The following SIDT1 variants were observed in gnomAD, a reference collection of about 807,000 sequenced individuals.
SIDT1 encodes SID1 transmembrane family, member 1.
A neutral mutation model predicts 107.5 loss-of-function variants in SIDT1; 101 were observed. The observed-to-expected ratio is 0.94, with a 90% CI of 0.80 to 1.11. The LOEUF is 1.11. Ranked by LOEUF, SIDT1 falls within the 50% of genes least tolerant of loss-of-function variation. The probability of loss-of-function intolerance (pLI) is 0.00; values close to 1 mark genes in which losing one functional copy is unlikely to be tolerated. For missense variants in SIDT1, 1,076 were observed against 1,058.2 expected (o/e 1.02, Z -0.23); for synonymous variants, 395 against 398.2 (o/e 0.99, Z 0.10).
intron 7 of SIDT1, 44 bp from the exon 8 acceptor site, chr3:113,584,654 C>T (rs1475274517): frequency 5.1e-6 from 7 of 1,372,302 alleles, no homozygotes; most frequent in Non-Finnish European, 7.1e-6. Flanking sequence ...AAATCATTAT[C>T]TGATTCAATG....
At chr3:113,559,806 G>T (rs541342287) in intron 1 of SIDT1, among the ~76,000 whole-genome samples, 2 of 151,990 alleles carry the variant, frequency 1.3e-5, no homozygotes, top group East Asian at 1.9e-4. Flanking sequence ...TTTCTTATGC[G>T]TTTTAAGGGT....
Position 113,601,653 on chromosome 3 carries a change from A to G in SIDT1, c.1111A>G (p.Thr371Ala). 1 of 1,611,516 alleles carries G rather than the reference A, an allele frequency of 6.2e-7. No individual in the cohort carries two copies. The highest frequency in any genetic ancestry group is 8.5e-7 in the Non-Finnish European group (1 of 1,177,614). Residue 371 changes from threonine to alanine, a missense_variant, in exon 11 of 25, where the codon ACA (threonine) becomes GCA (alanine). Coordinates refer to ENST00000264852, the MANE Select transcript of SIDT1 (RefSeq NM_017699.3). ...CACACCCGAAGGGAGCAATTATGGGACAATAGGTATGTCCTACCAGGTCTG... is the reference window on the plus strand; with the variant it reads ...CACACCCGAAGGGAGCAATTATGGGGCAATAGGTATGTCCTACCAGGTCTG... ...ASTPEGSNYG[T>A]IDESSSSPGR...
chr3:113,605,617 G>C (rs933609199), intron 14 of SIDT1, among the ~76,000 whole-genome samples: 1 of 152,166 alleles, frequency 6.6e-6, no homozygotes, highest in Non-Finnish European at 1.5e-5. Context: ...ACAATGAGTA[G>C]AGTAAATAAA....
At chr3:113,608,365 T>A in intron 16 of SIDT1, 54 bp from the exon 17 acceptor site, 1 of 1,523,402 alleles carries the variant, frequency 6.6e-7, no homozygotes, top group Non-Finnish European at 9.1e-7. Context: ...GATTAGTGAC[T>A]TGGTGGATAT....
intron 7 of SIDT1, among the ~76,000 whole-genome samples, chr3:113,584,140 G>A (rs1943567658): frequency 6.6e-6 from 1 of 152,204 alleles, no homozygotes; most frequent in African/African-American, 2.4e-5. Flanking sequence ...CCAACACAAA[G>A]TGTGTTTACT....
intron 19 of SIDT1, among the ~76,000 whole-genome samples, chr3:113,615,562 T>C (rs1946045350): frequency 6.6e-6 from 1 of 152,222 alleles, no homozygotes; most frequent in South Asian, 2.1e-4. Flanking sequence ...TTAACTTACC[T>C]TCACTTGATG....
intron 9 of SIDT1, among the ~76,000 whole-genome samples, chr3:113,591,103 T>A (rs551154069): frequency 5.3e-5 from 8 of 152,344 alleles, no homozygotes; most frequent in African/African-American, 1.7e-4. Context: ...GTTGGAATGA[T>A]ATACTTTGCA....
intron 10 of SIDT1, among the ~76,000 whole-genome samples, chr3:113,599,283 T>G (rs992594882): frequency 6.6e-6 from 1 of 152,184 alleles, no homozygotes; most frequent in Non-Finnish European, 1.5e-5. Flanking sequence ...AGAAAGAAGA[T>G]GCAGGATGAC....
At chr3:113,579,046 C>T (rs918061375) in intron 4 of SIDT1, among the ~76,000 whole-genome samples, 206 of 152,254 alleles carry the variant, frequency 1.4e-3, no homozygotes, top group Non-Finnish European at 3.8e-4. Flanking sequence ...TATAAACTCA[C>T]CCAAACGGTT....
intron 3 of SIDT1, among the ~76,000 whole-genome samples, chr3:113,572,996 C>CCTT (rs779118899): frequency 2.7e-5 from 4 of 145,574 alleles, no homozygotes; most frequent in Non-Finnish European, 3.0e-5. Context: ...ATTTACATTC[C>CCTT]TTTTTTTTTT....
chr3:113,580,253 CAT>C (rs1360539566), intron 4 of SIDT1, among the ~76,000 whole-genome samples: 5 of 152,204 alleles, frequency 3.3e-5, no homozygotes, highest in African/African-American at 9.6e-5. Flanking sequence ...AATCTTATCA[CAT>C]GTTATATCTC....
intron 16 of SIDT1, 26 bp from the exon 17 acceptor site, chr3:113,608,393 A>G (rs1945494035): frequency 6.3e-7 from 1 of 1,576,020 alleles, no homozygotes; most frequent in Non-Finnish European, 8.7e-7. Flanking sequence ...TTTAGTATCT[A>G]TTGACCACCC....
At chr3:113,582,723 C>T (rs980731353) in intron 6 of SIDT1, among the ~76,000 whole-genome samples, 5 of 151,952 alleles carry the variant, frequency 3.3e-5, no homozygotes, top group African/African-American at 4.8e-5. Context: ...GCGACATGAG[C>T]GAAACTCCTT....
At chr3:113,582,881 C>T (rs113416337) in intron 6 of SIDT1, among the ~76,000 whole-genome samples, 3,794 of 152,084 alleles carry the variant, frequency 0.025, 70 homozygotes, top group Admixed American at 0.037. Context: ...AGAACTCTAA[C>T]GGACCTTAAA....
intron 23 of SIDT1, among the ~76,000 whole-genome samples, chr3:113,624,765 C>T (rs967714634): frequency 5.9e-5 from 9 of 152,106 alleles, no homozygotes; most frequent in African/African-American, 2.2e-4. Flanking sequence ...TTCTAGCTGC[C>T]TCATATGAGT....
chr3:113,589,529 C>CTTTTTTT (rs386397654), intron 9 of SIDT1, among the ~76,000 whole-genome samples: 9 of 116,046 alleles, frequency 7.8e-5, no homozygotes, highest in Non-Finnish European at 1.2e-4. Context: ...ACTTCTCTCC[C>CTTTTTTT]TTTTTTTTTT....
At chr3:113,544,435 C>A (rs569328964) in intron 1 of SIDT1, among the ~76,000 whole-genome samples, 192 of 152,226 alleles carry the variant, frequency 1.3e-3, no homozygotes, top group Non-Finnish European at 2.5e-3. Context: ...TGTGATCCAC[C>A]CAGCTCGGCC....
rs1943519430 is a variant in SIDT1, at chr3:113,583,500, A to G, written c.835+4A>G. The G allele has an allele frequency of 1.3e-6, 2 of 1,567,256 alleles. No homozygotes were observed. The highest frequency in any genetic ancestry group is 2.3e-5 in the East Asian group (1 of 44,302). On this transcript the variant is annotated splice_donor_region_variant and intron_variant, in intron 7 of 24. Transcript: ENST00000264852. ...GGAGGATCTTTCTTCATCCAGGGTA[A>G]GAGCTAGTGAGGAACACTTGGCTGC...
At chr3:113,541,946 T>TG (rs1265119111) in intron 1 of SIDT1, among the ~76,000 whole-genome samples, 1 of 147,964 alleles carries the variant, frequency 6.8e-6, no homozygotes, top group African/African-American at 2.5e-5. Flanking sequence ...TTTTTTTAGA[T>TG]GGAGTCTTGT....
Sources: allele counts gnomAD v4.1 joint callset (sites outside exome capture counted in the v4.1 genomes callset), GRCh38; gene constraint gnomAD v4.1.1; transcripts MANE v1.5; gene names NCBI Gene and HGNC (gene_info 2026-07-23, HGNC 2026-07-21).